SMYD3: variants seen among roughly 807,000 people sequenced by gnomAD.
SMYD3 encodes the protein histone-lysine N-methyltransferase SMYD3.
In SMYD3, 36 loss-of-function variants were observed where a neutral mutation model predicts 57.7. That is an observed-to-expected ratio of 0.62 (90% confidence interval 0.48 to 0.82). SMYD3 has a LOEUF of 0.82. Ranked by LOEUF, SMYD3 falls within the 40% of genes least tolerant of loss-of-function variation. The pLI, the probability that SMYD3 is intolerant of heterozygous loss-of-function variation, is 0.00. For missense variants in SMYD3, 515 were observed against 538.8 expected (o/e 0.96, Z 0.44); for synonymous variants, 211 against 195.0 (o/e 1.08, Z -0.68).
chr1:246,345,695 T>A (rs966225966), intron 2 of SMYD3, among the ~76,000 whole-genome samples: 1 of 152,118 alleles, frequency 6.6e-6, no homozygotes, highest in African/African-American at 2.4e-5. Context: ...CTGCTCCTGC[T>A]CCTCCCAGGG....
At chr1:246,090,495 G>A (rs1221105618) in intron 5 of SMYD3, among the ~76,000 whole-genome samples, 4 of 148,890 alleles carry the variant, frequency 2.7e-5, no homozygotes, top group African/African-American at 9.9e-5. Flanking sequence ...TAGAGAAAGA[G>A]AGAGAGCTGT....
chr1:245,836,583 A>G (rs2050117799), intron 10 of SMYD3, among the ~76,000 whole-genome samples: 1 of 152,186 alleles, frequency 6.6e-6, no homozygotes, highest in Non-Finnish European at 1.5e-5. Context: ...GCGTATTTCT[A>G]GTCAGTGGAC....
At chr1:246,214,476 T>C (rs901188999) in intron 5 of SMYD3, among the ~76,000 whole-genome samples, 2 of 152,138 alleles carry the variant, frequency 1.3e-5, no homozygotes, top group African/African-American at 2.4e-5. Flanking sequence ...GAAACCAATA[T>C]GTTGAAGCTC....
At chr1:246,069,770 G>A (rs1326981922) in intron 5 of SMYD3, among the ~76,000 whole-genome samples, 2 of 152,184 alleles carry the variant, frequency 1.3e-5, no homozygotes, top group Non-Finnish European at 2.9e-5. Context: ...TCCTCCAGCT[G>A]CCTGCGAAGG....
intron 1 of SMYD3, among the ~76,000 whole-genome samples, chr1:246,445,970 T>C (rs1229761306): frequency 2.6e-5 from 4 of 152,154 alleles, no homozygotes; most frequent in African/African-American, 9.7e-5. Flanking sequence ...GCATAACTAA[T>C]GAATTTCCCA....
At chr1:246,095,453 G>A (rs867421282) in intron 5 of SMYD3, among the ~76,000 whole-genome samples, 1 of 152,198 alleles carries the variant, frequency 6.6e-6, no homozygotes, top group Non-Finnish European at 1.5e-5. Flanking sequence ...CAACGATAAG[G>A]TGCAGACAAG....
intron 8 of SMYD3, among the ~76,000 whole-genome samples, chr1:245,867,279 C>T (rs922454954): frequency 2.6e-5 from 4 of 152,218 alleles, no homozygotes; most frequent in African/African-American, 9.6e-5. Flanking sequence ...GAAAGGAAGG[C>T]AGCCTTGCCC....
At chr1:246,408,125 C>T (rs1029050266) in intron 1 of SMYD3, among the ~76,000 whole-genome samples, 2 of 151,958 alleles carry the variant, frequency 1.3e-5, no homozygotes, top group Non-Finnish European at 2.9e-5. Context: ...CCCCGAAGCA[C>T]CACCTCTTAA....
intron 5 of SMYD3, among the ~76,000 whole-genome samples, chr1:246,130,831 C>A (rs1224566511): frequency 6.6e-6 from 1 of 152,148 alleles, no homozygotes; most frequent in Non-Finnish European, 1.5e-5. Context: ...CAAGAATTAT[C>A]GTTCTAAATC....
chr1:246,305,537 T>C (rs1243885044), intron 5 of SMYD3, among the ~76,000 whole-genome samples: 1 of 152,152 alleles, frequency 6.6e-6, no homozygotes, highest in East Asian at 1.9e-4. Flanking sequence ...TAAAAATGAA[T>C]ATTAAAGAGG....
intron 9 of SMYD3, among the ~76,000 whole-genome samples, chr1:245,862,431 A>G (rs779140227): frequency 3.3e-5 from 5 of 152,192 alleles, no homozygotes; most frequent in African/African-American, 1.2e-4. Flanking sequence ...GAAATTTTAT[A>G]TATGTTCTTG....
At chr1:246,184,918 T>C (rs576149548) in intron 5 of SMYD3, among the ~76,000 whole-genome samples, 86 of 152,324 alleles carry the variant, frequency 5.6e-4, no homozygotes, top group Non-Finnish European at 9.4e-4. Flanking sequence ...TACCCTGAGG[T>C]GGCTCAGACA....
intron 10 of SMYD3, among the ~76,000 whole-genome samples, chr1:245,774,386 G>A (rs1168298994): frequency 6.6e-6 from 1 of 152,182 alleles, no homozygotes; most frequent in Non-Finnish European, 1.5e-5. Context: ...AGCAGTTGCA[G>A]AGTGGAAGCT....
At chr1:245,986,751 C>T (rs907686597) in intron 5 of SMYD3, among the ~76,000 whole-genome samples, 1 of 152,132 alleles carries the variant, frequency 6.6e-6, no homozygotes, top group Non-Finnish European at 1.5e-5. Flanking sequence ...CTGGCAAGAA[C>T]GGGTCATCGT....
intron 1 of SMYD3, among the ~76,000 whole-genome samples, chr1:246,393,161 T>C (rs1006290049): frequency 1.3e-5 from 2 of 152,306 alleles, no homozygotes; most frequent in Non-Finnish European, 1.5e-5. Flanking sequence ...TGTTCTAAAA[T>C]AGGTAATGGC....
chr1:246,223,397 G>A (rs1239241349), intron 5 of SMYD3, among the ~76,000 whole-genome samples: 1 of 152,072 alleles, frequency 6.6e-6, no homozygotes, highest in Non-Finnish European at 1.5e-5. Flanking sequence ...GCACCTGACT[G>A]GGAGTAACTA....
chr1:246,176,517 C>T (rs1451873363), intron 5 of SMYD3, among the ~76,000 whole-genome samples: 1 of 152,154 alleles, frequency 6.6e-6, no homozygotes, highest in Non-Finnish European at 1.5e-5. Flanking sequence ...GAGATTAATG[C>T]TTATATAGGC....
intron 8 of SMYD3, among the ~76,000 whole-genome samples, chr1:245,881,125 A>T (rs1004026047): frequency 5.9e-5 from 9 of 152,308 alleles, no homozygotes; most frequent in Middle Eastern, 6.9e-3. Context: ...GGGGATATTC[A>T]TGCTTTTGAC....
intron 5 of SMYD3, among the ~76,000 whole-genome samples, chr1:246,036,110 T>C (rs987441190): frequency 1.3e-5 from 2 of 152,218 alleles, no homozygotes; most frequent in Non-Finnish European, 2.9e-5. Flanking sequence ...CTGGGACTTA[T>C]ACCAACAGGC....
Sources: gnomAD v4.1 joint callset for allele counts (sites outside exome capture counted in the v4.1 genomes callset) on GRCh38, gnomAD v4.1.1 for gene constraint, MANE v1.5 for transcripts, NCBI Gene and HGNC (gene_info 2026-07-23, HGNC 2026-07-21) for gene names.